The following MMD2 variants were observed in gnomAD, a reference collection of about 807,000 sequenced individuals.
The protein encoded by MMD2 is monocyte to macrophage differentiation associated 2.
In MMD2, 30 loss-of-function variants were observed where a neutral mutation model predicts 33.5. That is an observed-to-expected ratio of 0.90 (90% CI 0.67 to 1.22). MMD2 has a LOEUF of 1.22. MMD2 is among the 50% of genes most tolerant of loss of function. The probability of loss-of-function intolerance (pLI) is 0.00; values close to 1 mark genes in which losing one functional copy is unlikely to be tolerated. For synonymous variants in MMD2, 129 were observed against 123.0 expected, an observed-to-expected ratio of 1.05 and a Z score of -0.32; for missense variants, 364 against 325.4, an observed-to-expected ratio of 1.12 and a Z score of -0.91.
At chr7:4,920,784 C>T (rs1281265618) in intron 2 of MMD2, among the ~76,000 whole-genome samples, 1 of 138,452 alleles carries the variant, frequency 7.2e-6, no homozygotes, top group Non-Finnish European at 1.6e-5. Flanking sequence ...GTGGTGCAAT[C>T]GCAGTTCACT....
rs189247054 is a variant in MMD2 at position 4,910,154 on chromosome 7, T to G, written c.468-204A>C. Reference sequence around the variant, plus strand: ...GGCAGTTATGTGACCCTGGGCACTTTCCCTCCCTGAGACTCACTTTCCACA... The same window carrying G: ...GGCAGTTATGTGACCCTGGGCACTTGCCCTCCCTGAGACTCACTTTCCACA... On this transcript the variant is annotated intron_variant, in intron 5 of 6. Coordinates refer to ENST00000401401, the MANE Select transcript of MMD2 (RefSeq NM_198403.4). 807 of 1,148,828 alleles carry G rather than the reference T, an allele frequency of 7.0e-4. 2 individuals carry two copies. Among genetic ancestry groups the G allele is most frequent in the Non-Finnish European group, 8.6e-4 (701 of 812,584 alleles). The allele number at this position is 1,148,828 out of a possible 1,614,324, so 71.2% of individuals were successfully genotyped here. A position where few individuals can be genotyped will look rare whatever the true frequency, so the allele number is the denominator to read the frequency against.
At chr7:4,938,787 G>A (rs1166611984) in intron 1 of MMD2, among the ~76,000 whole-genome samples, 1 of 152,188 alleles carries the variant, frequency 6.6e-6, no homozygotes, top group Non-Finnish European at 1.5e-5. Flanking sequence ...TACTTGACCA[G>A]CTACAATGTT....
chr7:4,947,132 C>T (rs1158852420), intron 1 of MMD2, among the ~76,000 whole-genome samples: 2 of 151,728 alleles, frequency 1.3e-5, no homozygotes, highest in Non-Finnish European at 2.9e-5. Flanking sequence ...CGCTTGAACT[C>T]GGGAGGTGGA....
At chr7:4,892,909 G>T in the MMD2 span, among the ~76,000 whole-genome samples, 1,893 of 152,022 alleles carry the variant, frequency 0.012, 43 homozygotes, top group African/African-American at 0.044. Flanking sequence ...ACAGGTGAGG[G>T]TTCACCATGT....
At chr7:4,908,417 T>C (rs1404960595) in intron 6 of MMD2, among the ~76,000 whole-genome samples, 2 of 151,964 alleles carry the variant, frequency 1.3e-5, no homozygotes, top group East Asian at 1.9e-4. Flanking sequence ...GCTGGGATTA[T>C]AGGCGGAAGC....
intron 6 of MMD2, among the ~76,000 whole-genome samples, chr7:4,908,913 A>G (rs989395245): frequency 8.6e-5 from 13 of 151,790 alleles, no homozygotes; most frequent in African/African-American, 3.1e-4. Context: ...AAAAAAAAAA[A>G]ATGAGGACAG....
chr7:4,919,180 C>T (rs1380997648), intron 3 of MMD2, among the ~76,000 whole-genome samples: 1 of 152,082 alleles, frequency 6.6e-6, no homozygotes, highest in Non-Finnish European at 1.5e-5. Context: ...TAGGGAATGG[C>T]GCCTGTAGCA....
Position 4,906,998 on chromosome 7 carries a change from G to C in MMD2, c.*398C>G. On this transcript the variant is annotated 3_prime_UTR_variant, in exon 7 of 7. Coordinates refer to ENST00000401401, the MANE Select transcript of MMD2 (RefSeq NM_198403.4). Reference sequence around the variant, plus strand: ...CGCCAGCCTGGACTTTGGTAACAGAGAGGGAGGCCCTGGCCACCCAGGTAT... The same window carrying C: ...CGCCAGCCTGGACTTTGGTAACAGACAGGGAGGCCCTGGCCACCCAGGTAT... The C allele has an allele frequency of 4.4e-6, 1 of 227,272 alleles. No homozygotes were observed. The highest frequency in any genetic ancestry group is 8.7e-5 in the South Asian group (1 of 11,552). 14.1% of individuals were successfully genotyped at this position (227,272 alleles called of 1,614,324 possible).
At chr7:4,936,229 T>C (rs1377761980) in intron 1 of MMD2, among the ~76,000 whole-genome samples, 1 of 146,840 alleles carries the variant, frequency 6.8e-6, no homozygotes, top group East Asian at 2.0e-4. Context: ...TGTAACCACA[T>C]ACAATGCAAA....
chr7:4,954,913 G>A lies in MMD2; in HGVS notation c.47+4058C>T, dbSNP rs1198714438. Among the ~76,000 whole-genome samples, 4 of 152,140 alleles carry A rather than the reference G, an allele frequency of 2.6e-5. 1 individual carries two copies. The highest frequency in any genetic ancestry group is 6.6e-5 in the Admixed American group (1 of 15,256). ...GTCTTTTCTGTATGGTGTGAGGTAG[G>A]GTTCCTATTCCACTGTTCTCATCTG... On this transcript the variant is annotated intron_variant, in intron 1 of 6. Coordinates refer to ENST00000401401, the MANE Select transcript of MMD2 (RefSeq NM_198403.4).
intron 1 of MMD2, among the ~76,000 whole-genome samples, chr7:4,943,004 CTTTTTTTT>C (rs33983457): frequency 1.2e-5 from 1 of 85,694 alleles, no homozygotes; most frequent in Non-Finnish European, 2.2e-5. Flanking sequence ...CTGCCCTTTT[CTTTTTTTT>C]TTTTTTTTTT....
chr7:4,924,734 A>C (rs1010088850), intron 2 of MMD2, among the ~76,000 whole-genome samples: 2 of 152,164 alleles, frequency 1.3e-5, no homozygotes, highest in Non-Finnish European at 2.9e-5. Context: ...AGTGGAGACA[A>C]GAAATATTCC....
intron 4 of MMD2, among the ~76,000 whole-genome samples, chr7:4,913,721 CAAAAAAAAAAAAAAA>C (rs35733360): frequency 5.6e-5 from 3 of 54,054 alleles, no homozygotes; most frequent in East Asian, 5.5e-4. Flanking sequence ...TCTATCTCGG[CAAAAAAAAAAAAAAA>C]AAAAAAAAAG....
the MMD2 span, among the ~76,000 whole-genome samples, chr7:4,899,256 A>G: frequency 2.0e-5 from 3 of 152,220 alleles, no homozygotes; most frequent in Non-Finnish European, 4.4e-5. Context: ...TAATCCACCC[A>G]GTCTATGGTA....
downstream of MMD2, among the ~76,000 whole-genome samples, chr7:4,904,176 A>T (rs190335496): frequency 0.012 from 1,774 of 152,060 alleles, 29 homozygotes; most frequent in African/African-American, 0.041. Flanking sequence ...CAGGTGATCC[A>T]CCCACCTCGG....
the MMD2 span, among the ~76,000 whole-genome samples, chr7:4,893,334 C>A: frequency 6.6e-6 from 1 of 151,662 alleles, no homozygotes; most frequent in Middle Eastern, 3.2e-3. Context: ...TCACCAAGGG[C>A]TGCTGGTTGG....
intron 2 of MMD2, among the ~76,000 whole-genome samples, chr7:4,922,544 C>A (rs1017650941): frequency 1.3e-5 from 2 of 152,162 alleles, no homozygotes; most frequent in African/African-American, 4.8e-5. Context: ...AGGCTGTAGA[C>A]TCCAATTATG....
In MMD2 at chr7:4,932,146, C is replaced by T. The variant is rs541169461; in HGVS notation, c.48-6614G>A. On this transcript the variant is annotated intron_variant, in intron 1 of 6. Coordinates refer to ENST00000401401, the MANE Select transcript of MMD2 (RefSeq NM_198403.4). Reference sequence around the variant, plus strand: ...CAGGGTGATGTCACGGTTGCCGTGGCGACCTGGGGCGGGCAGTTATTTATT... The same window carrying T: ...CAGGGTGATGTCACGGTTGCCGTGGTGACCTGGGGCGGGCAGTTATTTATT... 2.6e-4 allele frequency among the ~76,000 whole-genome samples: 39 copies of T among 152,280 alleles called. 1 individual carries two copies. The highest frequency in any genetic ancestry group is 2.3e-3 in the Admixed American group (35 of 15,270).
At chr7:4,955,573 G>GA (rs1361578027) in intron 1 of MMD2, among the ~76,000 whole-genome samples, 4 of 151,916 alleles carry the variant, frequency 2.6e-5, no homozygotes, top group Non-Finnish European at 5.9e-5. Flanking sequence ...GACTTGTGGG[G>GA]AAAAAAATGT....
Sources: allele counts gnomAD v4.1 joint callset (sites outside exome capture counted in the v4.1 genomes callset), GRCh38; gene constraint gnomAD v4.1.1; transcripts MANE v1.5; gene names NCBI Gene and HGNC (gene_info 2026-07-23, HGNC 2026-07-21).